Variants in LRRTM4 observed in about 807,000 individuals in gnomAD.
LRRTM4 encodes the protein leucine rich repeat transmembrane neuronal 4, also known as leucine-rich repeat transmembrane neuronal protein 4.
In LRRTM4, 25 loss-of-function variants were observed where a neutral mutation model predicts 47.6. The ratio of observed to expected loss-of-function variants is 0.53; its 90% CI spans 0.38 to 0.73. The LOEUF is 0.73. Ranked by LOEUF, LRRTM4 falls within the 30% of genes least tolerant of loss-of-function variation. LRRTM4 has a pLI of 0.00. For missense variants in LRRTM4, 638 were observed against 713.4 expected, an observed-to-expected ratio of 0.89 and a Z score of 1.20; for synonymous variants, 311 against 269.5, an observed-to-expected ratio of 1.15 and a Z score of -1.51.
chr2:77,424,961 G>A (rs149731550), intron 3 of LRRTM4, among the ~76,000 whole-genome samples: 8 of 152,238 alleles, frequency 5.3e-5, no homozygotes, highest in Non-Finnish European at 8.8e-5. Context: ...GATGCTTGAT[G>A]TTTTAAGTGG....
chr2:77,081,075 T>C (rs1021698497), intron 3 of LRRTM4, among the ~76,000 whole-genome samples: 4 of 152,150 alleles, frequency 2.6e-5, no homozygotes, highest in Admixed American at 6.6e-5. Flanking sequence ...ATTTATCACC[T>C]TTCTCTAGTC....
intron 3 of LRRTM4, among the ~76,000 whole-genome samples, chr2:77,223,236 A>T (rs535240042): frequency 6.6e-6 from 1 of 152,296 alleles, no homozygotes; most frequent in South Asian, 2.1e-4. Context: ...TCTATGACAA[A>T]CCCACAGCCA....
At chr2:77,240,587 C>A (rs1437808411) in intron 3 of LRRTM4, among the ~76,000 whole-genome samples, 1 of 151,318 alleles carries the variant, frequency 6.6e-6, no homozygotes, top group African/African-American at 2.4e-5. Flanking sequence ...CATAATAAGA[C>A]AAGAAAAAGA....
At chr2:77,436,992 A>G (rs931982530) in intron 3 of LRRTM4, among the ~76,000 whole-genome samples, 23 of 152,062 alleles carry the variant, frequency 1.5e-4, no homozygotes, top group African/African-American at 4.8e-4. Flanking sequence ...TAACTTATCT[A>G]TAAGAACTCT....
In LRRTM4 at chr2:77,261,179, T is replaced by TA. The variant is rs57496459; in HGVS notation, c.1551+257138dup. Among the ~76,000 whole-genome samples, 71 of 148,166 alleles carry TA rather than the reference T, an allele frequency of 4.8e-4. No individual in the cohort carries two copies. The East Asian group carries it at 9.4e-3, about 20-fold the overall frequency. ...TTCTCAAATAGCTTGGGAGTAGTAA[T>TA]AAAAAAAAAAGAAATTGGATGAAAG... On this transcript the variant is annotated intron_variant, in intron 3 of 3. Transcript: ENST00000409884.
intron 3 of LRRTM4, among the ~76,000 whole-genome samples, chr2:76,981,798 T>A (rs1341216190): frequency 6.6e-6 from 1 of 151,126 alleles, no homozygotes; most frequent in East Asian, 1.9e-4. Context: ...GGCCAGCATC[T>A]TTTTTTTTAA....
intron 3 of LRRTM4, among the ~76,000 whole-genome samples, chr2:77,365,952 A>T (rs1672433943): frequency 6.7e-6 from 1 of 149,216 alleles, no homozygotes; most frequent in Non-Finnish European, 1.5e-5. Flanking sequence ...CATTATATAT[A>T]TATAAAATCT....
chr2:76,794,026 G>A (rs1245722768), intron 3 of LRRTM4, among the ~76,000 whole-genome samples: 1 of 152,140 alleles, frequency 6.6e-6, no homozygotes, highest in East Asian at 1.9e-4. Flanking sequence ...ATCTGTATAA[G>A]CCAAAACTGG....
At position 77,503,002 on chromosome 2, in the gene LRRTM4, T is replaced by G. The variant is rs112405824; in HGVS notation, c.1551+15316A>C. On this transcript the variant is annotated intron_variant, in intron 3 of 3. Coordinates refer to ENST00000409884, the MANE Select transcript of LRRTM4 (RefSeq NM_001134745.3). ...AATGGAGATTGTAGAGCAAAGAGAG[T>G]GTAAAATGAAAATCTGTGAAGGCAG... 4.7e-3 allele frequency among the ~76,000 whole-genome samples: 711 copies of G among 150,350 alleles called. 5 individuals are homozygous for G. Among genetic ancestry groups the G allele is most frequent in the African/African-American group, 0.017 (693 of 41,132 alleles).
At chr2:77,371,037 T>G (rs1028560018) in intron 3 of LRRTM4, among the ~76,000 whole-genome samples, 6 of 151,730 alleles carry the variant, frequency 4.0e-5, no homozygotes, top group Admixed American at 2.0e-4. Context: ...AGAAAATGTA[T>G]GTCGAACTCA....
At chr2:76,854,202 T>C (rs1399516788) in intron 3 of LRRTM4, among the ~76,000 whole-genome samples, 1 of 152,108 alleles carries the variant, frequency 6.6e-6, no homozygotes, top group Non-Finnish European at 1.5e-5. Context: ...CTGTTAGAAA[T>C]TTACTTTTGT....
chr2:77,101,939 A>G (rs1214557201), intron 3 of LRRTM4, among the ~76,000 whole-genome samples: 1 of 152,200 alleles, frequency 6.6e-6, no homozygotes, highest in Non-Finnish European at 1.5e-5. Flanking sequence ...CTTCAAAAAA[A>G]CGTTTCCCAC....
intron 3 of LRRTM4, among the ~76,000 whole-genome samples, chr2:77,216,512 T>C (rs1394814812): frequency 6.6e-6 from 1 of 151,240 alleles, no homozygotes; most frequent in Non-Finnish European, 1.5e-5. Flanking sequence ...CTCACTGTAC[T>C]CCAGCCTGCT....
chr2:77,470,501 T>C (rs1435531169), intron 3 of LRRTM4, among the ~76,000 whole-genome samples: 10 of 152,150 alleles, frequency 6.6e-5, no homozygotes, highest in African/African-American at 2.4e-4. Context: ...TTTGGTACAA[T>C]GAAGACACAC....
chr2:77,165,291 TA>T (rs1672848003), intron 3 of LRRTM4, among the ~76,000 whole-genome samples: 1 of 151,990 alleles, frequency 6.6e-6, no homozygotes, highest in Non-Finnish European at 1.5e-5. Context: ...AATAGACCAA[TA>T]ACCGGCTCTG....
At chr2:76,906,022 G>A (rs150157637) in intron 3 of LRRTM4, among the ~76,000 whole-genome samples, 1 of 151,974 alleles carries the variant, frequency 6.6e-6, no homozygotes, top group East Asian at 1.9e-4. Flanking sequence ...CTCGAGAAGA[G>A]CAACTCCAAG....
chr2:77,329,319 A>C (rs2104246309), intron 3 of LRRTM4, among the ~76,000 whole-genome samples: 1 of 152,318 alleles, frequency 6.6e-6, no homozygotes, highest in Middle Eastern at 3.4e-3. Flanking sequence ...GTGAATGCCT[A>C]ATGTGTGCTG....
At chr2:77,501,075 T>C (rs1003044907) in intron 3 of LRRTM4, among the ~76,000 whole-genome samples, 6 of 150,836 alleles carry the variant, frequency 4.0e-5, no homozygotes, top group Non-Finnish European at 7.4e-5. Flanking sequence ...TAAAAGGCAA[T>C]AGAAAACAAG....
rs1226381752 is a variant in LRRTM4 at position 77,273,976 on chromosome 2, T to C, written c.1551+244342A>G. 1.2e-4 allele frequency among the ~76,000 whole-genome samples: 18 copies of C among 152,118 alleles called. No homozygotes were observed. The East Asian group carries it at 3.5e-3, about 29-fold the overall frequency. On this transcript the variant is annotated intron_variant, in intron 3 of 3. Coordinates refer to ENST00000409884, the MANE Select transcript of LRRTM4 (RefSeq NM_001134745.3). Reference sequence around the variant, plus strand: ...GGAAATGACCTTCATGAAATCCTTTTTTTTAAGTGTCTCCTAAAAATAGAG... The same window carrying C: ...GGAAATGACCTTCATGAAATCCTTTCTTTTAAGTGTCTCCTAAAAATAGAG...
Sources: allele counts gnomAD v4.1 joint callset (sites outside exome capture counted in the v4.1 genomes callset), GRCh38; gene constraint gnomAD v4.1.1; transcripts MANE v1.5; gene names NCBI Gene and HGNC (gene_info 2026-07-23, HGNC 2026-07-21).